ACOX3: variants seen among roughly 807,000 people sequenced by gnomAD.
The protein encoded by ACOX3 is peroxisomal acyl-coenzyme A oxidase 3.
Under a neutral mutation model 81.5 loss-of-function variants are expected in ACOX3, and 73 were observed. That is an observed-to-expected ratio of 0.90 (90% CI 0.74 to 1.09). The LOEUF (loss-of-function observed/expected upper bound fraction) is 1.09, where lower values mean the gene tolerates loss of function less well. Among genes scored for constraint, ACOX3 ranks in the 50% least tolerant of loss-of-function variants. ACOX3 has a pLI of 0.00. For missense variants in ACOX3, 947 were observed against 928.0 expected (o/e 1.02, Z -0.27); for synonymous variants, 387 against 375.1 (o/e 1.03, Z -0.37).
intron 16 of ACOX3, among the ~76,000 whole-genome samples, chr4:8,371,760 A>G (rs952017072): frequency 6.6e-6 from 1 of 152,262 alleles, no homozygotes; most frequent in Non-Finnish European, 1.5e-5. Flanking sequence ...GGCCGCAGAC[A>G]AATGCCACTG....
chr4:8,390,651 T>C (rs892380420), intron 11 of ACOX3, among the ~76,000 whole-genome samples: 1 of 152,236 alleles, frequency 6.6e-6, no homozygotes, highest in African/African-American at 2.4e-5. Flanking sequence ...CCTCACACAC[T>C]TGAGCCTGCC....
rs1721004761 is a variant in ACOX3, at chr4:8,406,698, G to C, written c.688-655C>G. Among the ~76,000 whole-genome samples the C allele has an allele frequency of 6.6e-6, 1 of 152,108 alleles. No homozygotes were observed. Among genetic ancestry groups the C allele is most frequent in the Non-Finnish European group, 1.5e-5 (1 of 67,986 alleles). On this transcript the variant is annotated intron_variant, in intron 6 of 17. Coordinates refer to ENST00000356406, the MANE Select transcript of ACOX3 (RefSeq NM_003501.3). The surrounding 1 kb of genome is among the most constrained non-coding windows in gnomAD (Gnocchi z 5.6). Reference sequence around the variant, plus strand: ...TTCCCTGCCTGGCAGCTGAGGCAGAGAGAGAGAGAGGAGACAGAGAGAAAG... The same window carrying C: ...TTCCCTGCCTGGCAGCTGAGGCAGACAGAGAGAGAGGAGACAGAGAGAAAG...
chr4:8,381,482 A>G lies in ACOX3; in HGVS notation c.1653+10T>C. ...TAATACAAAAGGGAATTTTGAAAAC[A>G]AATACTTACCTGGCATTTGTTCCTT... On this transcript the variant is annotated intron_variant, in intron 14 of 17. Transcript: ENST00000356406. The surrounding 1 kb of genome is among the most constrained non-coding windows in gnomAD (Gnocchi z 4.3). The G allele has an allele frequency of 6.2e-7, 1 of 1,608,206 alleles. No individual in the cohort carries two copies.
chr4:8,396,652 T>A lies in ACOX3; in HGVS notation c.1056+285A>T, dbSNP rs371437799. Among the ~76,000 whole-genome samples the A allele has an allele frequency of 1.1e-4, 17 of 148,648 alleles. No individual in the cohort carries two copies. The East Asian group carries it at 3.0e-3, about 26-fold the overall frequency. On this transcript the variant is annotated intron_variant, in intron 9 of 17. Coordinates refer to ENST00000356406, the MANE Select transcript of ACOX3 (RefSeq NM_003501.3). ...AGATCATGCCCACTGCACTCCAGCC[T>A]TGGTGACAGAGCAAGGCTCCGTCTG...
chr4:8,393,578 TAAA>T (rs1443512902), intron 10 of ACOX3, among the ~76,000 whole-genome samples: 1 of 147,674 alleles, frequency 6.8e-6, no homozygotes, highest in African/African-American at 2.5e-5. Context: ...GAAAGACAAT[TAAA>T]AAGGAAAAAC....
At chr4:8,435,776 C>A (rs1371354564) in intron 1 of ACOX3, among the ~76,000 whole-genome samples, 2 of 152,040 alleles carry the variant, frequency 1.3e-5, no homozygotes, top group Non-Finnish European at 2.9e-5. Flanking sequence ...AAGGGGAGTC[C>A]CAGAAAGAGC....
chr4:8,406,632 G>A lies in ACOX3; in HGVS notation c.688-589C>T, dbSNP rs1578945950. ...GAGAGTGAGCCATCTCCAATGATAG[G>A]TAAGACCACATGGGTCACATGTCCA... On this transcript the variant is annotated intron_variant, in intron 6 of 17. Coordinates refer to ENST00000356406, the MANE Select transcript of ACOX3 (RefSeq NM_003501.3). The surrounding 1 kb of genome is among the most constrained non-coding windows in gnomAD (Gnocchi z 5.6). Among the ~76,000 whole-genome samples the A allele has an allele frequency of 6.6e-6, 1 of 152,334 alleles. No homozygotes were observed. The highest frequency in any genetic ancestry group is 1.5e-5 in the Non-Finnish European group (1 of 68,036).
Position 8,411,258 on chromosome 4 carries a change from C to T in ACOX3, c.544-903G>A, listed in dbSNP as rs371339791. Reference sequence around the variant, plus strand: ...TCCACGCGGAGCTTGCCAGTCACTGCTAGGGGCTGTCGTGGCTAAGTTTTG... The same window carrying T: ...TCCACGCGGAGCTTGCCAGTCACTGTTAGGGGCTGTCGTGGCTAAGTTTTG... On this transcript the variant is annotated intron_variant, in intron 5 of 17. Transcript: ENST00000356406. Among the ~76,000 whole-genome samples, 16 of 152,340 alleles carry T rather than the reference C, an allele frequency of 1.1e-4. No homozygotes were observed. In the East Asian group the frequency reaches 2.9e-3, roughly 28 times the overall value.
At chr4:8,383,792 C>A (rs1430643378) in intron 13 of ACOX3, among the ~76,000 whole-genome samples, 1 of 152,198 alleles carries the variant, frequency 6.6e-6, no homozygotes, top group Non-Finnish European at 1.5e-5. Context: ...GCCCTTGTGA[C>A]CACCGCCTGT....
intron 8 of ACOX3, among the ~76,000 whole-genome samples, chr4:8,397,676 AGGCTGC>A (rs1295749669): frequency 6.6e-6 from 1 of 152,214 alleles, no homozygotes; most frequent in Non-Finnish European, 1.5e-5. Context: ...AGGCCTGTCC[AGGCTGC>A]GGTGGGCACA....
chr4:8,397,641 G>A (rs1719866757), intron 8 of ACOX3, among the ~76,000 whole-genome samples: 1 of 152,210 alleles, frequency 6.6e-6, no homozygotes, highest in Admixed American at 6.5e-5. Flanking sequence ...GCACGCATCA[G>A]CGGCGTCAGC....
rs184409843 is a variant in ACOX3, at chr4:8,392,315, C to T, written c.1300+18G>A. The T allele has an allele frequency of 2.3e-4, 359 of 1,529,050 alleles. 1 individual carries two copies. The African/African-American group carries it at 3.8e-3, about 16-fold the overall frequency. The allele number at this position is 1,529,050 out of a possible 1,614,324, so 94.7% of individuals were successfully genotyped here. On this transcript the variant is annotated intron_variant, in intron 11 of 17. Transcript: ENST00000356406. ...GGGCTAAGGACAGGAAACCACCATG[C>T]GCTTCTCCAAAACCTACTGGCCAGA...
At chr4:8,388,951 G>A (rs181301633) in intron 13 of ACOX3, among the ~76,000 whole-genome samples, 1 of 152,276 alleles carries the variant, frequency 6.6e-6, no homozygotes, top group Non-Finnish European at 1.5e-5. Flanking sequence ...GGTGGCAAGT[G>A]GGCATCCTTC....
rs1232166505 is a variant in ACOX3, at chr4:8,405,007, C to T, written c.776+948G>A. 7.9e-5 allele frequency among the ~76,000 whole-genome samples: 12 copies of T among 152,228 alleles called. No individual in the cohort carries two copies. The highest frequency in any genetic ancestry group is 6.2e-4 in the South Asian group (3 of 4,810). ...GGCCAGTGGCCAGGAAGTTCAAGCCCGGCCTGCTCAGGCAGGGCCTGGCAG... is the reference window on the plus strand; with the variant it reads ...GGCCAGTGGCCAGGAAGTTCAAGCCTGGCCTGCTCAGGCAGGGCCTGGCAG... On this transcript the variant is annotated intron_variant, in intron 7 of 17. Coordinates refer to ENST00000356406, the MANE Select transcript of ACOX3 (RefSeq NM_003501.3). This position sits in a 1 kb window ranked among gnomAD's most constrained non-coding sequence, Gnocchi z 7.1.
downstream of ACOX3, among the ~76,000 whole-genome samples, chr4:8,361,425 C>CAGAAAAA (rs1715231639): frequency 2.6e-5 from 1 of 39,034 alleles, no homozygotes; most frequent in Non-Finnish European, 4.2e-5. Flanking sequence ...GACTCTATCT[C>CAGAAAAA]AAAAAAAAAA....
At chr4:8,422,649 T>A (rs1057041797) in intron 1 of ACOX3, among the ~76,000 whole-genome samples, 2 of 152,210 alleles carry the variant, frequency 1.3e-5, no homozygotes, top group South Asian at 4.1e-4. Context: ...GTTGTAGGCA[T>A]AGCTCCAGTT....
At chr4:8,372,670 T>C (rs922662387) in intron 16 of ACOX3, among the ~76,000 whole-genome samples, 1 of 152,116 alleles carries the variant, frequency 6.6e-6, no homozygotes, top group African/African-American at 2.4e-5. Context: ...ATACAACGAA[T>C]CCCGAGAGAG....
chr4:8,402,780 C>T (rs537473170), intron 7 of ACOX3, among the ~76,000 whole-genome samples: 3 of 152,330 alleles, frequency 2.0e-5, no homozygotes, highest in Admixed American at 6.5e-5. Context: ...TGGACATGCA[C>T]GTGGCACGGG....
intron 1 of ACOX3, among the ~76,000 whole-genome samples, chr4:8,426,561 C>A: frequency 7.1e-6 from 1 of 141,510 alleles, no homozygotes; most frequent in Non-Finnish European, 1.5e-5. Flanking sequence ...TATCACCTCA[C>A]CCCCTCCATG....
Sources: allele counts gnomAD v4.1 joint callset (sites outside exome capture counted in the v4.1 genomes callset), GRCh38; gene constraint gnomAD v4.1.1; non-coding constraint Gnocchi (gnomAD v3.1); transcripts MANE v1.5; gene names NCBI Gene and HGNC (gene_info 2026-07-23, HGNC 2026-07-21).